The following NEO1 variants were observed in gnomAD, a reference collection of about 807,000 sequenced individuals.
The protein encoded by NEO1 is neogenin.
In NEO1, 63 loss-of-function variants were observed where a neutral mutation model predicts 159.7. That is an observed-to-expected ratio of 0.39 (90% CI 0.32 to 0.49). NEO1 has a LOEUF of 0.49. Among genes scored for constraint, NEO1 ranks in the 20% least tolerant of loss-of-function variants. The pLI, the probability that NEO1 is intolerant of heterozygous loss-of-function variation, is 0.85. For missense variants in NEO1, 1,615 were observed against 1,831.0 expected, an observed-to-expected ratio of 0.88 and a Z score of 2.15; for synonymous variants, 633 against 662.0, an observed-to-expected ratio of 0.96 and a Z score of 0.67.
chr15:73,217,256 T>G (rs947972056), intron 7 of NEO1, among the ~76,000 whole-genome samples: 1 of 150,958 alleles, frequency 6.6e-6, no homozygotes, highest in Non-Finnish European at 1.5e-5. Context: ...GCAGTGTTAT[T>G]TCTGAGGGCT....
At chr15:73,288,599 T>C (rs2042040224) in intron 24 of NEO1, 48 bp downstream of exon 24, 2 of 1,514,570 alleles carry the variant, frequency 1.3e-6, no homozygotes, top group East Asian at 2.3e-5. Context: ...GAAACTATTT[T>C]CATTTAAATC....
chr15:73,240,295 G>A (rs549655688), intron 8 of NEO1, among the ~76,000 whole-genome samples: 3 of 152,304 alleles, frequency 2.0e-5, no homozygotes, highest in South Asian at 4.1e-4. Context: ...GTTGGAGTAA[G>A]CAGGAATGAT....
intron 9 of NEO1, among the ~76,000 whole-genome samples, chr15:73,245,772 G>A (rs910702738): frequency 4.6e-5 from 7 of 150,982 alleles, no homozygotes; most frequent in South Asian, 4.2e-4. Flanking sequence ...TAGTAGAGAC[G>A]GGGTTTCACT....
intron 4 of NEO1, 69 bp downstream of exon 4, chr15:73,126,639 TATTGACTAATTTAA>T: frequency 7.0e-7 from 1 of 1,425,760 alleles, no homozygotes; most frequent in Non-Finnish European, 9.5e-7. Context: ...CATTTGGGAC[TATTGACTAATTTAA>T]AAAGATTATC....
intron 1 of NEO1, among the ~76,000 whole-genome samples, chr15:73,111,053 CAG>C (rs2070957590): frequency 6.6e-6 from 1 of 152,100 alleles, no homozygotes; most frequent in Non-Finnish European, 1.5e-5. Context: ...AAGTAGCAAA[CAG>C]AAATACACGG....
chr15:73,266,018 A>C (rs1417236281), intron 15 of NEO1, among the ~76,000 whole-genome samples: 5 of 152,190 alleles, frequency 3.3e-5, no homozygotes, highest in Non-Finnish European at 7.3e-5. Flanking sequence ...CTTCATTCTC[A>C]GCCAAGCCCT....
intron 1 of NEO1, among the ~76,000 whole-genome samples, chr15:73,066,904 C>G (rs7497831): frequency 6.6e-6 from 1 of 152,078 alleles, no homozygotes; most frequent in Admixed American, 6.5e-5. Flanking sequence ...GCTTTTCTTT[C>G]TTTTTGCATC....
chr15:73,060,145 A>C (rs766272062), intron 1 of NEO1, among the ~76,000 whole-genome samples: 2 of 152,230 alleles, frequency 1.3e-5, no homozygotes, highest in African/African-American at 4.8e-5. Context: ...AGTTTCATTC[A>C]TAATTTTTTA....
At chr15:73,218,355 A>C (rs962554655) in intron 7 of NEO1, among the ~76,000 whole-genome samples, 1 of 150,666 alleles carries the variant, frequency 6.6e-6, no homozygotes, top group Admixed American at 6.6e-5. Flanking sequence ...TTTTTGCATC[A>C]ATGTTCATCA....
chr15:73,069,541 T>A (rs1423858287), intron 1 of NEO1, among the ~76,000 whole-genome samples: 1 of 151,972 alleles, frequency 6.6e-6, no homozygotes. Flanking sequence ...ATAGAAAATA[T>A]TCCAGTTAAA....
intron 1 of NEO1, among the ~76,000 whole-genome samples, chr15:73,092,546 T>TG: frequency 6.6e-6 from 1 of 152,342 alleles, no homozygotes; most frequent in Non-Finnish European, 1.5e-5. Flanking sequence ...AGTTGGTGTT[T>TG]GGTTACTCAG....
chr15:73,096,490 C>G (rs1271802974), intron 1 of NEO1, among the ~76,000 whole-genome samples: 1 of 152,166 alleles, frequency 6.6e-6, no homozygotes, highest in African/African-American at 2.4e-5. Flanking sequence ...CAAATGCAGA[C>G]CAGTCAAGAG....
intron 5 of NEO1, among the ~76,000 whole-genome samples, chr15:73,145,908 AATGAGTGC>A (rs1440260673): frequency 1.3e-5 from 2 of 152,158 alleles, no homozygotes. Context: ...TGAGTCCATT[AATGAGTGC>A]ATGATTGTCA....
chr15:73,250,585 T>C (rs571851659), intron 11 of NEO1, among the ~76,000 whole-genome samples: 2 of 152,094 alleles, frequency 1.3e-5, no homozygotes, highest in Non-Finnish European at 2.9e-5. Context: ...GTACCAAAAA[T>C]ATTTAACTTG....
intron 8 of NEO1, among the ~76,000 whole-genome samples, chr15:73,237,446 A>G (rs1567565002): frequency 6.6e-6 from 1 of 152,234 alleles, no homozygotes; most frequent in Non-Finnish European, 1.5e-5. Context: ...GCCGAGTAGT[A>G]AATTCCTTCA....
At chr15:73,298,790 C>G (rs1214597019) in intron 27 of NEO1, among the ~76,000 whole-genome samples, 179 bp downstream of exon 27, 1 of 152,238 alleles carries the variant, frequency 6.6e-6, no homozygotes, top group African/African-American at 2.4e-5. Flanking sequence ...TTTATGGCCT[C>G]CCCTTTTCTG....
chr15:73,291,405 T>C (rs563422769), intron 25 of NEO1, among the ~76,000 whole-genome samples: 8 of 152,200 alleles, frequency 5.3e-5, no homozygotes, highest in Non-Finnish European at 1.0e-4. Context: ...TGCACCAATA[T>C]ACAATATTAT....
Position 73,302,690 on chromosome 15 carries a change from A to G in NEO1, c.4380A>G (p.Thr1460=). Residue 1460 remains threonine (T), a synonymous_variant, in exon 29 of 29, where the codon ACA becomes ACG. Coordinates refer to ENST00000261908, the MANE Select transcript of NEO1 (RefSeq NM_002499.4). ...TGAAGGACCTAAACGCTATCACAAC[A>G]GCATGACGACCTTCACCAGGACCTG... The part of the protein sequence containing the change: ...GLMKDLNAIT[T]A 6.2e-7 allele frequency: 1 copy of G among 1,613,898 alleles called. No individual in the cohort carries two copies. Among genetic ancestry groups the G allele is most frequent in the South Asian group, 1.1e-5 (1 of 91,010 alleles).
chr15:73,248,036 C>T (rs2039887258), intron 9 of NEO1, among the ~76,000 whole-genome samples: 1 of 152,150 alleles, frequency 6.6e-6, no homozygotes, highest in Admixed American at 6.5e-5. Context: ...CTAACTTTCC[C>T]ATCACTTGGG....
Sources: gnomAD v4.1 joint callset for allele counts (sites outside exome capture counted in the v4.1 genomes callset) on GRCh38, gnomAD v4.1.1 for gene constraint, MANE v1.5 for transcripts, NCBI Gene and HGNC (gene_info 2026-07-23, HGNC 2026-07-21) for gene names.